The following LRRC31 variants were observed in gnomAD, a reference collection of about 807,000 sequenced individuals.
The protein encoded by LRRC31 is leucine rich repeat containing 31.
In LRRC31, 35 loss-of-function variants were observed where a neutral mutation model predicts 46.7. That is an observed-to-expected ratio of 0.75 (90% confidence interval 0.57 to 0.99). The LOEUF (loss-of-function observed/expected upper bound fraction) is 0.99. Among genes scored for constraint, LRRC31 ranks in the 50% least tolerant of loss-of-function variants. The pLI, the probability that LRRC31 is intolerant of heterozygous loss-of-function variation, is 0.00. For missense variants in LRRC31, 613 were observed against 626.1 expected (o/e 0.98, Z 0.22); for synonymous variants, 236 against 235.1 (o/e 1.00, Z -0.03).
chr3:169,864,934 A>C (rs1351329682), intron 1 of LRRC31, among the ~76,000 whole-genome samples: 1 of 152,136 alleles, frequency 6.6e-6, no homozygotes, highest in Non-Finnish European at 1.5e-5. Flanking sequence ...AAAATTTGCC[A>C]GGCGTACTGG....
At position 169,860,167 on chromosome 3, in the gene LRRC31, T is replaced by A. The variant is rs188482637; in HGVS notation, c.487+394A>T. On this transcript the variant is annotated intron_variant, in intron 3 of 8. Transcript: ENST00000316428. ...TCAAAAAAATAAAAATAAAAATAAATAAATAAATAAACTCCATGAAAGCAG... is the reference window on the plus strand; with the variant it reads ...TCAAAAAAATAAAAATAAAAATAAAAAAATAAATAAACTCCATGAAAGCAG... 4.6e-5 allele frequency among the ~76,000 whole-genome samples: 7 copies of A among 151,678 alleles called. No homozygotes were observed. In the East Asian group the frequency reaches 1.4e-3, roughly 29 times the overall value.
intron 1 of LRRC31, among the ~76,000 whole-genome samples, 176 bp from the exon 2 acceptor site, chr3:169,861,989 T>C (rs778716517): frequency 6.6e-6 from 1 of 152,248 alleles, no homozygotes; most frequent in Non-Finnish European, 1.5e-5. Flanking sequence ...CCACTGTTCC[T>C]GCCGCCAGGT....
At chr3:169,863,291 A>C (rs577462198) in intron 1 of LRRC31, among the ~76,000 whole-genome samples, 1 of 152,334 alleles carries the variant, frequency 6.6e-6, no homozygotes, top group South Asian at 2.1e-4. Flanking sequence ...TGAAATATAC[A>C]ATTTTAAACA....
intron 1 of LRRC31, among the ~76,000 whole-genome samples, chr3:169,867,051 G>T (rs893790921): frequency 0.076 from 7,326 of 96,036 alleles, 757 homozygotes; most frequent in African/African-American, 0.29. Context: ...TTTTTTGTTT[G>T]TTTGTTTGTT....
At chr3:169,852,905 G>C (rs892930824) in intron 6 of LRRC31, among the ~76,000 whole-genome samples, 1 of 152,156 alleles carries the variant, frequency 6.6e-6, no homozygotes, top group Non-Finnish European at 1.5e-5. Context: ...CAAGCTCTGC[G>C]TTATAGGAAC....
chr3:169,865,567 G>T (rs1490411469), intron 1 of LRRC31, among the ~76,000 whole-genome samples: 1 of 152,266 alleles, frequency 6.6e-6, no homozygotes, highest in East Asian at 1.9e-4. Flanking sequence ...TGGTAACATG[G>T]GTGGTACTGT....
chr3:169,851,231 G>A (rs1172685867), intron 7 of LRRC31, among the ~76,000 whole-genome samples: 3 of 152,028 alleles, frequency 2.0e-5, no homozygotes, highest in Non-Finnish European at 4.4e-5. Flanking sequence ...TGGACAACAC[G>A]GTGAAACCCT....
chr3:169,842,465 C>G (rs1022979027), intron 8 of LRRC31, among the ~76,000 whole-genome samples: 7 of 152,188 alleles, frequency 4.6e-5, no homozygotes, highest in African/African-American at 9.7e-5. Context: ...ATCCTCCTGC[C>G]TCAGCCTCTC....
Position 169,849,098 on chromosome 3 carries a change from A to G in LRRC31, c.1160-811T>C, listed in dbSNP as rs1396801944. Among the ~76,000 whole-genome samples the G allele has an allele frequency of 5.3e-5, 8 of 152,376 alleles. No homozygotes were observed. The East Asian group carries it at 1.5e-3, about 29-fold the overall frequency. Reference sequence around the variant, plus strand: ...AGAAAAGTAAAAGATTTTCTGCTTAATTCTCAGTTGCCCCCAATGTTAAAA... The same window carrying G: ...AGAAAAGTAAAAGATTTTCTGCTTAGTTCTCAGTTGCCCCCAATGTTAAAA... On this transcript the variant is annotated intron_variant, in intron 7 of 8. Coordinates refer to ENST00000316428, the MANE Select transcript of LRRC31 (RefSeq NM_024727.4).
chr3:169,866,416 G>T (rs1461225764), intron 1 of LRRC31, among the ~76,000 whole-genome samples: 2 of 152,140 alleles, frequency 1.3e-5, no homozygotes, highest in African/African-American at 4.8e-5. Context: ...CCCCGGCTTG[G>T]TTTTGCACTG....
intron 8 of LRRC31, 116 bp from the exon 9 acceptor site, chr3:169,840,429 A>G: frequency 3.7e-6 from 4 of 1,091,726 alleles, no homozygotes; most frequent in South Asian, 2.7e-5. Flanking sequence ...GTAATTAGTA[A>G]TGATTTGTTA....
In LRRC31 at chr3:169,839,763, T is replaced by C; in HGVS notation, c.*219A>G. 1 of 170,714 alleles carries C rather than the reference T, an allele frequency of 5.9e-6. No homozygotes were observed. Among genetic ancestry groups the C allele is most frequent in the Non-Finnish European group, 1.2e-5 (1 of 83,576 alleles). 10.6% of individuals were successfully genotyped at this position (170,714 alleles called of 1,614,324 possible). Reference sequence around the variant, plus strand: ...GCTCATATTAGATATTATATATATATTTACATATATATGTGTATTATATAT... The same window carrying C: ...GCTCATATTAGATATTATATATATACTTACATATATATGTGTATTATATAT... On this transcript the variant is annotated 3_prime_UTR_variant, in exon 9 of 9. Transcript: ENST00000316428.
At chr3:169,864,404 T>C (rs1781267103) in intron 1 of LRRC31, among the ~76,000 whole-genome samples, 1 of 152,226 alleles carries the variant, frequency 6.6e-6, no homozygotes, top group South Asian at 2.1e-4. Flanking sequence ...TTGATGTGAC[T>C]GACAAGTAAG....
intron 7 of LRRC31, among the ~76,000 whole-genome samples, chr3:169,849,478 G>A (rs1363265347): frequency 2.0e-5 from 3 of 152,120 alleles, no homozygotes; most frequent in Non-Finnish European, 2.9e-5. Flanking sequence ...TCCCAGAATG[G>A]GCAACATGGT....
chr3:169,857,361 C>CACACACAT (rs1780993356), intron 3 of LRRC31, among the ~76,000 whole-genome samples: 1 of 112,484 alleles, frequency 8.9e-6, no homozygotes, highest in Non-Finnish European at 1.9e-5. Context: ...CACACACACA[C>CACACACAT]ACACACACAA....
At chr3:169,848,715 C>T (rs1278481519) in intron 7 of LRRC31, among the ~76,000 whole-genome samples, 1 of 152,180 alleles carries the variant, frequency 6.6e-6, no homozygotes, top group Non-Finnish European at 1.5e-5. Flanking sequence ...CTTGGCCTCC[C>T]GAAGTACTGG....
In LRRC31 at chr3:169,839,771, T is replaced by C. The variant is rs1780388880; in HGVS notation, c.*211A>G. 5.7e-6 allele frequency: 1 copy of C among 176,462 alleles called. No homozygotes were observed. The highest frequency in any genetic ancestry group is 2.4e-5 in the African/African-American group (1 of 41,564). The allele number at this position is 176,462 out of a possible 1,614,324, so 10.9% of individuals were successfully genotyped here. On this transcript the variant is annotated 3_prime_UTR_variant, in exon 9 of 9. Transcript: ENST00000316428. ...TAGATATTATATATATATTTACATA[T>C]ATATGTGTATTATATATGTATATTA...
chr3:169,840,209 G>A lies in LRRC31; in HGVS notation c.1432C>T (p.Arg478Trp), dbSNP rs747923117. Reference protein sequence around the residue: ...AGWTMFCQNVRFLKELIELDI... With the variant: ...AGWTMFCQNVWFLKELIELDI... ...AGCTCGATTAGCTCTTTGAGGAACC[G>A]CACGTTTTGGCAGAACATGGTCCAC... The change falls in exon 9 of 9, where the codon CGG becomes TGG. Residue 478 changes from arginine (R) to tryptophan (W), a missense_variant. By Grantham distance (101) the Arg-to-Trp change is moderately radical. Transcript: ENST00000316428. 2.0e-5 allele frequency: 33 copies of A among 1,613,938 alleles called. No homozygotes were observed. Among genetic ancestry groups the A allele is most frequent in the Admixed American group, 1.3e-4 (8 of 59,978 alleles).
At position 169,857,015 on chromosome 3, in the gene LRRC31, G is replaced by A; in HGVS notation, c.488-143C>T. 9 of 659,744 alleles carry A rather than the reference G, an allele frequency of 1.4e-5. 1 individual carries two copies. In the South Asian group the frequency reaches 2.8e-4, roughly 20 times the overall value. The allele number at this position is 659,744 out of a possible 1,614,324, so 40.9% of individuals were successfully genotyped here. A position where few individuals can be genotyped will look rare whatever the true frequency, so the allele number is the denominator to read the frequency against. Reference sequence around the variant, plus strand: ...GTTTGGCACCGAGGAACAGAGAGAAGGAAAGAACCCAATTCCTTCATAGCA... The same window carrying A: ...GTTTGGCACCGAGGAACAGAGAGAAAGAAAGAACCCAATTCCTTCATAGCA... On this transcript the variant is annotated intron_variant, in intron 3 of 8. Transcript: ENST00000316428.
Sources: allele counts gnomAD v4.1 joint callset (sites outside exome capture counted in the v4.1 genomes callset), GRCh38; gene constraint gnomAD v4.1.1; transcripts MANE v1.5; gene names NCBI Gene and HGNC (gene_info 2026-07-23, HGNC 2026-07-21).